The following RPS6KA2 variants were observed in gnomAD, a reference collection of about 807,000 sequenced individuals.
RPS6KA2 encodes the protein ribosomal protein S6 kinase alpha-2.
RPS6KA2 carries 42 observed loss-of-function variants against 91.8 expected under a neutral mutation model. The ratio of observed to expected loss-of-function variants is 0.46; its 90% CI spans 0.36 to 0.59. RPS6KA2 has a LOEUF of 0.59. RPS6KA2 is among the 20% of genes least tolerant of loss of function. RPS6KA2 has a pLI of 0.00. For synonymous variants in RPS6KA2, 414 were observed against 393.6 expected, an observed-to-expected ratio of 1.05 and a Z score of -0.61; for missense variants, 798 against 978.5, an observed-to-expected ratio of 0.82 and a Z score of 2.46.
At chr6:166,723,403 C>T (rs528595822) in intron 2 of RPS6KA2, among the ~76,000 whole-genome samples, 1 of 152,078 alleles carries the variant, frequency 6.6e-6, no homozygotes, top group Admixed American at 6.5e-5. Flanking sequence ...GCCTTCCTTA[C>T]CCCTGGGGGG....
At position 166,441,866 on chromosome 6, in the gene RPS6KA2, T is replaced by TGCCGGG. The variant is rs1554273661; in HGVS notation, c.1332+6852_1332+6857dup. On this transcript the variant is annotated intron_variant, in intron 14 of 20. Coordinates refer to ENST00000265678, the MANE Select transcript of RPS6KA2 (RefSeq NM_021135.6). The stretch of plus-strand genomic sequence containing the variant: ...CTGTGGGGAAGGAAGCTGGAGCAGC[T>TGCCGGG]GCCGGGGGCCGGGGGCCGGGACCCT... Among the ~76,000 whole-genome samples the TGCCGGG allele has an allele frequency of 2.9e-4, 44 of 152,318 alleles. No individual in the cohort carries two copies. The East Asian group carries it at 8.3e-3, about 29-fold the overall frequency.
intron 1 of RPS6KA2, among the ~76,000 whole-genome samples, chr6:166,552,432 T>C (rs1378313902): frequency 6.6e-6 from 1 of 152,236 alleles, no homozygotes; most frequent in Non-Finnish European, 1.5e-5. Context: ...AATCCCTCTG[T>C]GTGGCGAAAG....
At chr6:166,506,694 C>T (rs528923524) in intron 5 of RPS6KA2, among the ~76,000 whole-genome samples, 5 of 152,218 alleles carry the variant, frequency 3.3e-5, no homozygotes, top group South Asian at 2.1e-4. Flanking sequence ...GGACCCTTTG[C>T]GCCCGATTCA....
chr6:166,803,514 T>C (rs1779420125), intron 2 of RPS6KA2, among the ~76,000 whole-genome samples: 1 of 152,232 alleles, frequency 6.6e-6, no homozygotes, highest in Admixed American at 6.5e-5. Context: ...AGAGTTAATC[T>C]AAAAGCTTTA....
At chr6:166,511,873 G>A (rs1441037764) in intron 3 of RPS6KA2, among the ~76,000 whole-genome samples, 2 of 152,208 alleles carry the variant, frequency 1.3e-5, no homozygotes, top group African/African-American at 2.4e-5. Flanking sequence ...TGCAGTCACT[G>A]AGGAAAATAG....
chr6:166,748,273 C>T (rs11966338), intron 2 of RPS6KA2, among the ~76,000 whole-genome samples: 36,145 of 151,966 alleles, frequency 0.24, 4,532 homozygotes, highest in Admixed American at 0.27. Flanking sequence ...GGCCAGGCTT[C>T]CGGCTCCATG....
intron 2 of RPS6KA2, among the ~76,000 whole-genome samples, chr6:166,664,831 G>A (rs1788269660): frequency 6.6e-6 from 1 of 152,212 alleles, no homozygotes. Flanking sequence ...TACAACGGAT[G>A]AGGCCCCTAC....
At chr6:166,764,293 C>T (rs747688730) in intron 2 of RPS6KA2, among the ~76,000 whole-genome samples, 4 of 152,016 alleles carry the variant, frequency 2.6e-5, no homozygotes, top group Non-Finnish European at 5.9e-5. Context: ...GGGAAGGACA[C>T]CAGGGGGCGC....
intron 1 of RPS6KA2, among the ~76,000 whole-genome samples, chr6:166,618,873 G>A (rs73259034): frequency 0.037 from 5,655 of 152,316 alleles, 325 homozygotes; most frequent in African/African-American, 0.13. Flanking sequence ...AAGACATCAG[G>A]ACAGAGGTCT....
At position 166,469,821 on chromosome 6, in the gene RPS6KA2, G is replaced by A; in HGVS notation, c.972+20C>T. The A allele has an allele frequency of 5.0e-6, 8 of 1,609,648 alleles. No homozygotes were observed. Among genetic ancestry groups the A allele is most frequent in the Non-Finnish European group, 6.0e-6 (7 of 1,175,896 alleles). Reference sequence around the variant, plus strand: ...TCTGTGTCACGCGTGTGCAGGTGGGGACTGTGGCATGCAACTTACGTTCCA... The same window carrying A: ...TCTGTGTCACGCGTGTGCAGGTGGGAACTGTGGCATGCAACTTACGTTCCA... On this transcript the variant is annotated intron_variant, in intron 11 of 20. Transcript: ENST00000265678.
At chr6:166,632,805 T>C (rs996349579) in intron 2 of RPS6KA2, among the ~76,000 whole-genome samples, 1 of 151,518 alleles carries the variant, frequency 6.6e-6, no homozygotes, top group Non-Finnish European at 1.5e-5. Flanking sequence ...CCGAGCTTAG[T>C]GAGGGAGGAG....
chr6:166,696,360 T>C, intron 2 of RPS6KA2, among the ~76,000 whole-genome samples: 1 of 152,200 alleles, frequency 6.6e-6, no homozygotes, highest in East Asian at 1.9e-4. Context: ...ATCATTTGTA[T>C]TCAGATGATT....
intron 10 of RPS6KA2, among the ~76,000 whole-genome samples, chr6:166,487,653 T>C (rs1451011840): frequency 1.3e-5 from 2 of 152,232 alleles, no homozygotes; most frequent in Non-Finnish European, 2.9e-5. Flanking sequence ...GTTTACGTGA[T>C]AAAAATCTGG....
At chr6:166,722,324 A>C (rs1203336024) in intron 2 of RPS6KA2, among the ~76,000 whole-genome samples, 2 of 152,024 alleles carry the variant, frequency 1.3e-5, no homozygotes, top group Non-Finnish European at 2.9e-5. Context: ...TAGAGTGGAA[A>C]AGCGTTTTGT....
intron 14 of RPS6KA2, among the ~76,000 whole-genome samples, chr6:166,446,283 G>C (rs1020831869): frequency 6.6e-6 from 1 of 152,172 alleles, no homozygotes; most frequent in Admixed American, 6.5e-5. Flanking sequence ...GAGCCTTCTG[G>C]ACCACGAGCC....
At chr6:166,810,041 A>G (rs1779589588) in intron 2 of RPS6KA2, among the ~76,000 whole-genome samples, 1 of 152,210 alleles carries the variant, frequency 6.6e-6, no homozygotes, top group Non-Finnish European at 1.5e-5. Context: ...GAAACTTACA[A>G]TCATGGCAGA....
At chr6:166,461,348 T>C (rs7745806) in intron 11 of RPS6KA2, among the ~76,000 whole-genome samples, 62,774 of 151,706 alleles carry the variant, frequency 0.41, 15,291 homozygotes, top group African/African-American at 0.68. Context: ...GGAAGTCTCC[T>C]GAGCTGGGAA....
intron 1 of RPS6KA2, chr6:166,586,507 G>T (rs1785178914): frequency 6.3e-7 from 1 of 1,580,720 alleles, no homozygotes; most frequent in Non-Finnish European, 8.6e-7. Flanking sequence ...TGAGGCAGCT[G>T]TATTGCTTAA....
At chr6:166,814,316 T>C (rs1562453477) in intron 2 of RPS6KA2, among the ~76,000 whole-genome samples, 1 of 152,366 alleles carries the variant, frequency 6.6e-6, no homozygotes, top group Admixed American at 6.5e-5. Context: ...TTTTAAGGCA[T>C]AGTAAAGCAA....
Sources: allele counts gnomAD v4.1 joint callset (sites outside exome capture counted in the v4.1 genomes callset), GRCh38; gene constraint gnomAD v4.1.1; transcripts MANE v1.5; gene names NCBI Gene and HGNC (gene_info 2026-07-23, HGNC 2026-07-21).